The following L3MBTL4 variants were observed in gnomAD, a reference collection of about 807,000 sequenced individuals.
L3MBTL4 encodes the protein lethal(3)malignant brain tumor-like protein 4.
L3MBTL4 carries 70 observed loss-of-function variants against 84.5 expected under a neutral mutation model. The observed-to-expected ratio is 0.83, with a 90% confidence interval of 0.68 to 1.01. The LOEUF (loss-of-function observed/expected upper bound fraction) is 1.01. Ranked by LOEUF, L3MBTL4 falls within the 50% of genes least tolerant of loss-of-function variation. The pLI is 0.00. For synonymous variants in L3MBTL4, 274 were observed against 259.8 expected, an observed-to-expected ratio of 1.05 and a Z score of -0.52; for missense variants, 715 against 754.8, an observed-to-expected ratio of 0.95 and a Z score of 0.62.
rs556748141 is a variant in L3MBTL4, at chr18:6,270,460, A to C, written c.128-6422T>G. Among the ~76,000 whole-genome samples the C allele has an allele frequency of 2.7e-3, 413 of 152,300 alleles. 1 individual carries two copies. The highest frequency in any genetic ancestry group is 9.6e-3 in the African/African-American group (399 of 41,566). On this transcript the variant is annotated intron_variant, in intron 4 of 18. Transcript: ENST00000317931. ...ACAGATAAACATCACCCATAACCTG[A>C]CATATGGTGGGACTCAGTGTTTCGA... is the stretch of plus-strand genomic sequence containing the variant.
At chr18:6,342,425 C>A (rs2052651811) in intron 1 of L3MBTL4, among the ~76,000 whole-genome samples, 1 of 152,026 alleles carries the variant, frequency 6.6e-6, no homozygotes, top group African/African-American at 2.4e-5. Context: ...TAAATTGTGA[C>A]ACCAAAAACA....
chr18:6,140,510 C>T (rs925203681), intron 13 of L3MBTL4, among the ~76,000 whole-genome samples: 10 of 152,166 alleles, frequency 6.6e-5, no homozygotes, highest in African/African-American at 2.4e-4. Flanking sequence ...GGCCTGCACC[C>T]TCAGCCCTGC....
intron 16 of L3MBTL4, chr18:6,029,515 A>G (rs964539193): frequency 6.1e-6 from 6 of 983,918 alleles, no homozygotes; most frequent in Non-Finnish European, 6.0e-6. Context: ...CCATACAGAC[A>G]ATCTTAGGTG....
At chr18:6,154,661 C>A (rs7242844) in intron 13 of L3MBTL4, among the ~76,000 whole-genome samples, 3 of 152,124 alleles carry the variant, frequency 2.0e-5, no homozygotes, top group African/African-American at 4.8e-5. Flanking sequence ...TGCTCAACAA[C>A]GCCAACTGTA....
rs1045233646 is a variant in L3MBTL4 at position 6,374,660 on chromosome 18, C to T, written c.-91+40141G>A. ...TGGAGCCTGCGTGCTGTTCTCACCA[C>T]TAAGTGGTACTTCCTGCCCTTCCAC... On this transcript the variant is annotated intron_variant, in intron 1 of 18. Coordinates refer to ENST00000317931, the MANE Select transcript of L3MBTL4 (RefSeq NM_001330559.2). Among the ~76,000 whole-genome samples, 4 of 152,302 alleles carry T rather than the reference C, an allele frequency of 2.6e-5. No individual in the cohort carries two copies. The South Asian group carries it at 8.3e-4, about 32-fold the overall frequency.
At chr18:6,215,299 A>G (rs147039832) in intron 11 of L3MBTL4, among the ~76,000 whole-genome samples, 3 of 152,376 alleles carry the variant, frequency 2.0e-5, no homozygotes, top group Admixed American at 6.5e-5. Flanking sequence ...AAAAATCAGT[A>G]TTCTAACAAA....
intron 4 of L3MBTL4, among the ~76,000 whole-genome samples, chr18:6,265,772 A>C (rs2048604248): frequency 6.6e-6 from 1 of 152,214 alleles, no homozygotes; most frequent in Admixed American, 6.5e-5. Context: ...AGTCAAACTC[A>C]TTGAAGCAGT....
intron 4 of L3MBTL4, among the ~76,000 whole-genome samples, chr18:6,290,017 C>G (rs539362260): frequency 6.6e-6 from 1 of 152,272 alleles, no homozygotes; most frequent in African/African-American, 2.4e-5. Flanking sequence ...ACCTCTTGAG[C>G]TCAAGGAATC....
intron 1 of L3MBTL4, among the ~76,000 whole-genome samples, chr18:6,316,084 G>T (rs2051080582): frequency 6.7e-6 from 1 of 150,194 alleles, no homozygotes; most frequent in Non-Finnish European, 1.5e-5. Context: ...GCTAGTGCTG[G>T]TGCCTACTGC....
At chr18:6,255,611 C>T (rs965678893) in intron 5 of L3MBTL4, among the ~76,000 whole-genome samples, 6 of 152,130 alleles carry the variant, frequency 3.9e-5, no homozygotes, top group African/African-American at 1.4e-4. Flanking sequence ...TTTTAAAATA[C>T]AGTTCCTTCT....
At chr18:6,107,114 G>A (rs1051512871) in intron 14 of L3MBTL4, among the ~76,000 whole-genome samples, 4 of 152,126 alleles carry the variant, frequency 2.6e-5, no homozygotes, top group African/African-American at 9.7e-5. Context: ...TTCATTAATA[G>A]TGCACATTAT....
intron 13 of L3MBTL4, among the ~76,000 whole-genome samples, chr18:6,139,483 C>T (rs2060130318): frequency 6.6e-6 from 1 of 151,800 alleles, no homozygotes; most frequent in Non-Finnish European, 1.5e-5. Flanking sequence ...TCTCCGCCCC[C>T]TAAACACACA....
At chr18:6,319,502 C>T (rs1055528835) in intron 1 of L3MBTL4, among the ~76,000 whole-genome samples, 4 of 152,010 alleles carry the variant, frequency 2.6e-5, no homozygotes, top group African/African-American at 7.2e-5. Context: ...ACTGTTAACA[C>T]CTCTATGTAC....
chr18:6,171,915 A>G lies in L3MBTL4; in HGVS notation c.1009T>C (p.Tyr337His). The change falls in exon 13 of 19, where the codon TAT becomes CAT. Residue 337 changes from tyrosine to histidine, a missense_variant. Physicochemically the swap from Tyr to His is moderately conservative, Grantham distance 83. Transcript: ENST00000317931. ...CTGTCTGCCTCCACCCAGTAGTCAT[A>G]CTTATGGTCCCAACCATCAAAATGA... ...KVHFDGWDHK[Y>H]DYWVEADSPD... 6.4e-7 allele frequency: 1 copy of G among 1,554,676 alleles called. No homozygotes were observed.
intron 16 of L3MBTL4, among the ~76,000 whole-genome samples, chr18:6,023,095 G>A (rs2055344185): frequency 6.6e-6 from 1 of 152,202 alleles, no homozygotes; most frequent in South Asian, 2.1e-4. Context: ...GGAGGCCAGA[G>A]CTCAATACAG....
intron 12 of L3MBTL4, among the ~76,000 whole-genome samples, chr18:6,189,241 G>A (rs2044942262): frequency 6.6e-6 from 1 of 152,026 alleles, no homozygotes; most frequent in Admixed American, 6.5e-5. Flanking sequence ...CTTGTCATTG[G>A]ATTTATGACC....
chr18:6,297,503 TA>T (rs1352174116), intron 4 of L3MBTL4, among the ~76,000 whole-genome samples: 2 of 152,210 alleles, frequency 1.3e-5, no homozygotes, highest in Non-Finnish European at 2.9e-5. Context: ...ATTTCTACAC[TA>T]TATTTGCCAC....
At chr18:6,166,010 A>C (rs1370541896) in intron 13 of L3MBTL4, among the ~76,000 whole-genome samples, 5 of 152,322 alleles carry the variant, frequency 3.3e-5, no homozygotes, top group East Asian at 1.9e-4. Flanking sequence ...TGGAAAACAA[A>C]AAAAGGCAGG....
chr18:6,166,629 A>G (rs1344873296), intron 13 of L3MBTL4, among the ~76,000 whole-genome samples: 1 of 152,232 alleles, frequency 6.6e-6, no homozygotes, highest in East Asian at 1.9e-4. Flanking sequence ...TTTGAAACCA[A>G]CGAGAACAAA....
Sources: allele counts gnomAD v4.1 joint callset (sites outside exome capture counted in the v4.1 genomes callset), GRCh38; gene constraint gnomAD v4.1.1; transcripts MANE v1.5; gene names NCBI Gene and HGNC (gene_info 2026-07-23, HGNC 2026-07-21).